Variants in RAD51B observed in about 807,000 individuals in gnomAD.
RAD51B encodes the protein RAD51 paralog B.
In RAD51B, 38 loss-of-function variants were observed where a neutral mutation model predicts 42.2. The ratio of observed to expected loss-of-function variants is 0.90; its 90% CI spans 0.70 to 1.18. RAD51B has a LOEUF of 1.18. Ranked by LOEUF, RAD51B falls within the 50% of genes most tolerant of loss-of-function variation. The probability of loss-of-function intolerance (pLI) is 0.00; values close to 1 mark genes in which losing one functional copy is unlikely to be tolerated. For missense variants in RAD51B, 373 were observed against 400.7 expected (o/e 0.93, Z 0.59); for synonymous variants, 154 against 145.2 (o/e 1.06, Z -0.43).
At position 67,885,994 on chromosome 14, in the gene RAD51B, C is replaced by G. The variant is rs951713311; in HGVS notation, c.572+6C>G. 4 of 1,568,124 alleles carry G rather than the reference C, an allele frequency of 2.6e-6. No homozygotes were observed. The African/African-American group carries it at 5.4e-5, about 21-fold the overall frequency. On this transcript the variant is annotated splice_donor_region_variant and intron_variant, in intron 6 of 10. Coordinates refer to ENST00000471583, the MANE Select transcript of RAD51B (RefSeq NM_133510.4). The stretch of plus-strand genomic sequence containing the variant: ...TGTGATGAAGTTCTACAAAGGTATG[C>G]TGCTTTAGATTTTGATTTTTTAGTA...
At chr14:67,866,214 G>A (rs2042332610) in intron 5 of RAD51B, among the ~76,000 whole-genome samples, 1 of 152,202 alleles carries the variant, frequency 6.6e-6, no homozygotes, top group South Asian at 2.1e-4. Flanking sequence ...AAGCCTTATT[G>A]ATCAATTGCT....
At chr14:68,272,634 T>TA (rs1383006600) in intron 7 of RAD51B, among the ~76,000 whole-genome samples, 5 of 36,802 alleles carry the variant, frequency 1.4e-4, no homozygotes, top group Non-Finnish European at 9.9e-5. Flanking sequence ...TTATAAACAC[T>TA]TTATATATAT....
At chr14:67,939,623 A>T (rs775083261) in intron 7 of RAD51B, among the ~76,000 whole-genome samples, 5 of 152,144 alleles carry the variant, frequency 3.3e-5, no homozygotes, top group Non-Finnish European at 5.9e-5. Flanking sequence ...GCAAATTACC[A>T]TAGATTAGGT....
chr14:67,951,479 T>C (rs533433726), intron 7 of RAD51B, among the ~76,000 whole-genome samples: 2 of 152,358 alleles, frequency 1.3e-5, no homozygotes, highest in South Asian at 2.1e-4. Flanking sequence ...ACCCATTTTT[T>C]CCTACAGCTT....
intron 7 of RAD51B, among the ~76,000 whole-genome samples, chr14:68,015,631 G>A (rs2075766986): frequency 2.6e-5 from 4 of 152,090 alleles, no homozygotes; most frequent in Admixed American, 2.6e-4. Context: ...GAACAGCATG[G>A]GAAAAAACCT....
At chr14:68,312,086 C>G (rs890306547) in intron 8 of RAD51B, among the ~76,000 whole-genome samples, 9 of 152,120 alleles carry the variant, frequency 5.9e-5, no homozygotes, top group Non-Finnish European at 1.3e-4. Flanking sequence ...CCGTATAGGA[C>G]AGTAGCACAA....
At chr14:67,965,208 T>A (rs896161497) in intron 7 of RAD51B, among the ~76,000 whole-genome samples, 13 of 152,176 alleles carry the variant, frequency 8.5e-5, no homozygotes, top group African/African-American at 3.1e-4. Context: ...ATTAGTGGCC[T>A]CTCCATCCTC....
At chr14:67,886,131 C>A (rs1378983807) in intron 6 of RAD51B, 143 bp downstream of exon 6, 2 of 623,924 alleles carry the variant, frequency 3.2e-6, no homozygotes, top group Non-Finnish European at 2.5e-6. Context: ...TTTGTTATAG[C>A]CTTTTGGTTG....
intron 7 of RAD51B, among the ~76,000 whole-genome samples, chr14:68,152,962 A>G (rs565459726): frequency 1.3e-5 from 2 of 152,204 alleles, no homozygotes; most frequent in African/African-American, 4.8e-5. Flanking sequence ...GTAGTATTCC[A>G]TAGTGTATAT....
In RAD51B at chr14:67,847,144, C is replaced by T. The variant is rs994178592; in HGVS notation, c.315+11948C>T. ...TTCTTCAGCCCAGCATCTATATCCT[C>T]CCTCCATCCATTCTCATTGCCTTCC... On this transcript the variant is annotated intron_variant, in intron 4 of 10. Coordinates refer to ENST00000471583, the MANE Select transcript of RAD51B (RefSeq NM_133510.4). 7.2e-5 allele frequency among the ~76,000 whole-genome samples: 11 copies of T among 152,176 alleles called. No individual in the cohort carries two copies. In the East Asian group the frequency reaches 2.1e-3, roughly 29 times the overall value.
At chr14:68,018,594 C>T (rs560634171) in intron 7 of RAD51B, among the ~76,000 whole-genome samples, 3 of 152,162 alleles carry the variant, frequency 2.0e-5, no homozygotes, top group East Asian at 1.9e-4. Flanking sequence ...TAGGAATTCC[C>T]GGAACTTCTT....
At chr14:68,432,782 G>A (rs555392640) in intron 9 of RAD51B, among the ~76,000 whole-genome samples, 24 of 152,292 alleles carry the variant, frequency 1.6e-4, no homozygotes, top group Non-Finnish European at 3.1e-4. Context: ...GTGTGAATTT[G>A]ATCCTGTCAT....
At chr14:67,961,382 A>G (rs2074662915) in intron 7 of RAD51B, among the ~76,000 whole-genome samples, 1 of 152,210 alleles carries the variant, frequency 6.6e-6, no homozygotes, top group Non-Finnish European at 1.5e-5. Flanking sequence ...GAAACAGAAG[A>G]ACAAAATTGG....
chr14:68,578,434 GAGAA>G (rs566810030), intron 10 of RAD51B, among the ~76,000 whole-genome samples: 6 of 152,136 alleles, frequency 3.9e-5, no homozygotes, highest in Non-Finnish European at 7.4e-5. Context: ...ACAAAAAAAG[GAGAA>G]AGAAAGTAAT....
intron 7 of RAD51B, among the ~76,000 whole-genome samples, chr14:67,973,425 A>G (rs1182354893): frequency 6.6e-6 from 1 of 152,144 alleles, no homozygotes; most frequent in Non-Finnish European, 1.5e-5. Context: ...ACACACACAC[A>G]AAAAACTATG....
At chr14:68,137,200 C>T (rs977813547) in intron 7 of RAD51B, among the ~76,000 whole-genome samples, 8 of 152,054 alleles carry the variant, frequency 5.3e-5, no homozygotes, top group Non-Finnish European at 1.0e-4. Context: ...CACATGAACC[C>T]GGGAGGCGGA....
At chr14:68,674,457 G>A (rs1458654212) in intron 11 of RAD51B, among the ~76,000 whole-genome samples, 3 of 151,822 alleles carry the variant, frequency 2.0e-5, no homozygotes, top group Admixed American at 6.6e-5. Context: ...ATATATAAAT[G>A]AGGAGGTATA....
intron 7 of RAD51B, among the ~76,000 whole-genome samples, chr14:67,911,051 C>T (rs1367885093): frequency 6.6e-6 from 1 of 152,092 alleles, no homozygotes; most frequent in Non-Finnish European, 1.5e-5. Flanking sequence ...CTCCTGGCCT[C>T]AAGTGATCCA....
intron 7 of RAD51B, among the ~76,000 whole-genome samples, chr14:68,097,929 A>T (rs2077222342): frequency 6.6e-6 from 1 of 152,180 alleles, no homozygotes; most frequent in Non-Finnish European, 1.5e-5. Context: ...TTGCATCATC[A>T]CGTGGCTGCA....
Sources: allele counts gnomAD v4.1 joint callset (sites outside exome capture counted in the v4.1 genomes callset), GRCh38; gene constraint gnomAD v4.1.1; transcripts MANE v1.5; gene names NCBI Gene and HGNC (gene_info 2026-07-23, HGNC 2026-07-21).